BNC2: variants seen among roughly 807,000 people sequenced by gnomAD.
The protein encoded by BNC2 is zinc finger protein basonuclin-2.
A neutral mutation model predicts 76.3 loss-of-function variants in BNC2; 20 were observed. The observed-to-expected ratio is 0.26, with a 90% CI of 0.18 to 0.38. BNC2 has a LOEUF of 0.38. Ranked by LOEUF, BNC2 falls within the 10% of genes least tolerant of loss-of-function variation. The probability of loss-of-function intolerance (pLI) is 1.00; values close to 1 mark genes in which losing one functional copy is unlikely to be tolerated. For synonymous variants in BNC2, 582 were observed against 514.8 expected, an observed-to-expected ratio of 1.13 and a Z score of -1.77; for missense variants, 1,382 against 1,399.8, an observed-to-expected ratio of 0.99 and a Z score of 0.20.
chr9:16,643,050 G>C (rs146557397), intron 3 of BNC2, among the ~76,000 whole-genome samples: 1 of 152,116 alleles, frequency 6.6e-6, no homozygotes, highest in African/African-American at 2.4e-5. Context: ...TCCCTAAACT[G>C]AGCTATGATT....
chr9:16,661,081 G>A (rs1163885944), intron 3 of BNC2, among the ~76,000 whole-genome samples: 5 of 152,086 alleles, frequency 3.3e-5, no homozygotes, highest in Admixed American at 6.5e-5. Flanking sequence ...AGGAAACTGA[G>A]GCTCAAGAAA....
intron 6 of BNC2, among the ~76,000 whole-genome samples, chr9:16,422,036 TAAGG>T (rs1436175882): frequency 1.3e-5 from 2 of 152,110 alleles, no homozygotes; most frequent in Non-Finnish European, 1.5e-5. Flanking sequence ...ACACACTGAA[TAAGG>T]AAGAATAAAT....
chr9:16,779,731 G>A (rs1419254968), intron 1 of BNC2, among the ~76,000 whole-genome samples: 1 of 152,136 alleles, frequency 6.6e-6, no homozygotes, highest in Non-Finnish European at 1.5e-5. Flanking sequence ...CAGTTACAAA[G>A]TACCACATAT....
intron 1 of BNC2, among the ~76,000 whole-genome samples, chr9:16,767,405 G>C (rs982700022): frequency 9.9e-5 from 15 of 152,182 alleles, no homozygotes; most frequent in Non-Finnish European, 2.2e-4. Context: ...AGGCCCCTAA[G>C]GGCGGTACAT....
At chr9:16,843,808 T>C (rs1394955514) in intron 1 of BNC2, among the ~76,000 whole-genome samples, 1 of 152,230 alleles carries the variant, frequency 6.6e-6, no homozygotes, top group East Asian at 1.9e-4. Context: ...AATTGAATAG[T>C]ATTTGAAAAC....
rs147020324 is a variant in BNC2, at chr9:16,856,413, T to A, written c.3+14233A>T. Among the ~76,000 whole-genome samples, 63 of 152,316 alleles carry A rather than the reference T, an allele frequency of 4.1e-4. 1 individual carries two copies. The highest frequency in any genetic ancestry group is 1.5e-3 in the African/African-American group (61 of 41,572). Reference sequence around the variant, plus strand: ...AGCTTCAAAGACCAATGCACAGATATAAATAAATTCTTGAAGCGAAAATAT... The same window carrying A: ...AGCTTCAAAGACCAATGCACAGATAAAAATAAATTCTTGAAGCGAAAATAT... On this transcript the variant is annotated intron_variant, in intron 1 of 6. Coordinates refer to ENST00000380672, the MANE Select transcript of BNC2 (RefSeq NM_017637.6).
intron 3 of BNC2, among the ~76,000 whole-genome samples, chr9:16,670,469 T>C (rs1822443847): frequency 6.6e-6 from 1 of 152,154 alleles, no homozygotes; most frequent in Non-Finnish European, 1.5e-5. Context: ...CATGAGCCAC[T>C]GTATCCAGCC....
At chr9:16,451,437 C>A (rs145358111) in intron 5 of BNC2, among the ~76,000 whole-genome samples, 76 of 152,250 alleles carry the variant, frequency 5.0e-4, no homozygotes, top group African/African-American at 1.7e-3. Flanking sequence ...CTTAGCAAAC[C>A]TTTCATGGCT....
chr9:16,767,179 ACT>A (rs1312163882), intron 1 of BNC2, among the ~76,000 whole-genome samples: 5 of 152,160 alleles, frequency 3.3e-5, no homozygotes, highest in Non-Finnish European at 2.9e-5. Flanking sequence ...CAGATGGTAG[ACT>A]CTCTCCATAT....
At chr9:16,741,028 G>T (rs1824832532) in intron 1 of BNC2, among the ~76,000 whole-genome samples, 1 of 152,002 alleles carries the variant, frequency 6.6e-6, no homozygotes, top group Non-Finnish European at 1.5e-5. Context: ...CCTAATTCAG[G>T]GTCTAACAGG....
chr9:16,642,956 T>A (rs1821528602), intron 3 of BNC2, among the ~76,000 whole-genome samples: 1 of 152,130 alleles, frequency 6.6e-6, no homozygotes, highest in South Asian at 2.1e-4. Context: ...GTTTCCTCAT[T>A]TGTGAAACGA....
chr9:16,455,004 C>G (rs1244322643), intron 5 of BNC2, among the ~76,000 whole-genome samples: 1 of 151,984 alleles, frequency 6.6e-6, no homozygotes, highest in East Asian at 1.9e-4. Flanking sequence ...GAGTGGCTAT[C>G]TCAGAAAAAC....
chr9:16,676,252 T>A (rs977290220), intron 3 of BNC2, among the ~76,000 whole-genome samples: 2 of 152,124 alleles, frequency 1.3e-5, no homozygotes, highest in Non-Finnish European at 2.9e-5. Context: ...AACAAAATAT[T>A]TGAACAGAAC....
Position 16,415,040 on chromosome 9 carries a change from G to A in BNC2, c.*3949C>T, listed in dbSNP as rs1200224886. On this transcript the variant is annotated 3_prime_UTR_variant, in exon 7 of 7. Coordinates refer to ENST00000380672, the MANE Select transcript of BNC2 (RefSeq NM_017637.6). ...ATGACCAAAGAAATAACACTATGAG[G>A]ACAGTGGCACCATTGTGCCAAAAAG... 6.6e-6 allele frequency: 1 copy of A among 151,966 alleles called. No individual in the cohort carries two copies. Among genetic ancestry groups the A allele is most frequent in the African/African-American group, 2.4e-5 (1 of 41,372 alleles). The allele number at this position is 151,966 out of a possible 1,614,324, so 9.4% of individuals were successfully genotyped here. A position where few individuals can be genotyped will look rare whatever the true frequency, so the allele number is the denominator to read the frequency against.
rs1202135144 is a variant in BNC2 at position 16,437,151 on chromosome 9, G to C, written c.1043C>G (p.Pro348Arg). The C allele has an allele frequency of 1.6e-5, 26 of 1,614,040 alleles. No individual in the cohort carries two copies. The highest frequency in any genetic ancestry group is 2.2e-5 in the East Asian group (1 of 44,890). Residue 348 changes from proline to arginine, a missense_variant, in exon 6 of 7, where the codon CCA becomes CGA. By Grantham distance (103) the Pro-to-Arg change is moderately radical. This residue lies in a region of BNC2 where 557 missense variants were observed against 540.9 expected (regional missense o/e 1.03). Coordinates refer to ENST00000380672, the MANE Select transcript of BNC2 (RefSeq NM_017637.6). The part of the protein sequence containing the change: ...LPPNGLLLEQ[P>R]GLRLREPSLS... ...GCTGGGTTCCCGCAGCCTCAACCCT[G>C]GTTGCTCTAACAGTAGCCCATTTGG...
rs907583732 is a variant in BNC2, at chr9:16,416,475, T to G, written c.*2514A>C. The G allele has an allele frequency of 6.6e-6, 1 of 152,582 alleles. No homozygotes were observed. Among genetic ancestry groups the G allele is most frequent in the African/African-American group, 2.4e-5 (1 of 41,424 alleles). 9.5% of individuals were successfully genotyped at this position (152,582 alleles called of 1,614,324 possible). A position where few individuals can be genotyped will look rare whatever the true frequency, so the allele number is the denominator to read the frequency against. On this transcript the variant is annotated 3_prime_UTR_variant, in exon 7 of 7. Transcript: ENST00000380672. The stretch of plus-strand genomic sequence containing the variant: ...ATACTGTACAGAGTCTTATATGGTA[T>G]AAAACAAAGGAAAACATCTGTCTGT...
chr9:16,784,492 TGGATA>T (rs1826229974), intron 1 of BNC2, among the ~76,000 whole-genome samples: 1 of 152,060 alleles, frequency 6.6e-6, no homozygotes, highest in East Asian at 1.9e-4. Context: ...GGAAACAATA[TGGATA>T]GGACACAATA....
At chr9:16,434,843 T>C (rs908959789) in intron 6 of BNC2, 2 of 457,248 alleles carry the variant, frequency 4.4e-6, no homozygotes, top group Non-Finnish European at 8.8e-6. Flanking sequence ...ATAATCCGCA[T>C]GGTAGACTAT....
At chr9:16,519,327 C>T (rs1391531905) in intron 5 of BNC2, among the ~76,000 whole-genome samples, 2 of 152,118 alleles carry the variant, frequency 1.3e-5, no homozygotes, top group Non-Finnish European at 2.9e-5. Context: ...GATCAAGGGC[C>T]AGAGACAAGG....
Sources: allele counts gnomAD v4.1 joint callset (sites outside exome capture counted in the v4.1 genomes callset), GRCh38; gene constraint gnomAD v4.1.1; regional missense constraint gnomAD v4.1.1; transcripts MANE v1.5; gene names NCBI Gene and HGNC (gene_info 2026-07-23, HGNC 2026-07-21).